PFKP: variants seen among roughly 807,000 people sequenced by gnomAD.
The protein encoded by PFKP is phosphofructokinase, platelet, also known as ATP-dependent 6-phosphofructokinase, platelet type.
A neutral mutation model predicts 94.3 loss-of-function variants in PFKP; 101 were observed. That is an observed-to-expected ratio of 1.07 (90% confidence interval 0.91 to 1.26). The LOEUF (loss-of-function observed/expected upper bound fraction) is 1.26, where lower values mean the gene tolerates loss of function less well. PFKP is among the 50% of genes most tolerant of loss of function. The pLI is 0.00. For synonymous variants in PFKP, 573 were observed against 432.6 expected (o/e 1.32, Z -4.03); for missense variants, 1,145 against 1,103.3 (o/e 1.04, Z -0.53).
rs550708295 is a variant in PFKP, at chr10:3,103,919, G to A, written c.595G>A (p.Asp199Asn). ...SALHRIIEVV[D>N]AIMTTAQSHQ... ...CCTGCACAGGATCATCGAGGTCGTC[G>A]ACGCCATCATGACCACGGCCCAGAG... Residue 199 changes from aspartate (D) to asparagine (N), a missense_variant, in exon 5 of 22, where the codon GAC (aspartate) becomes AAC (asparagine). Asp to Asn is a conservative substitution (Grantham distance 23). Coordinates refer to ENST00000381125, the MANE Select transcript of PFKP (RefSeq NM_002627.5). 16 of 1,613,720 alleles carry A rather than the reference G, an allele frequency of 9.9e-6. No homozygotes were observed. Among genetic ancestry groups the A allele is most frequent in the East Asian group, 8.9e-5 (4 of 44,864 alleles).
intron 16 of PFKP, chr10:3,124,986 T>G: frequency 1.1e-6 from 1 of 885,946 alleles, no homozygotes; most frequent in Non-Finnish European, 1.4e-6. Flanking sequence ...TGAACCGGCT[T>G]CCCCTGGTGA....
rs1224112381 is a variant in PFKP, at chr10:3,098,026, A to AAC, written c.187-1243_187-1242dup. 3.5e-4 allele frequency among the ~76,000 whole-genome samples: 53 copies of AAC among 150,548 alleles called. 1 individual carries two copies. The highest frequency in any genetic ancestry group is 1.3e-3 in the African/African-American group (52 of 39,832). On this transcript the variant is annotated intron_variant, in intron 2 of 21. Transcript: ENST00000381125. ...TCTGTCTCAAAAATAAAATAAAATA[A>AAC]ACACACATATATATATAATATTTCT... is the stretch of plus-strand genomic sequence containing the variant.
intron 17 of PFKP, 96 bp from the exon 18 acceptor site, chr10:3,132,284 C>A (rs895998135): frequency 3.7e-5 from 32 of 858,144 alleles, no homozygotes; most frequent in Non-Finnish European, 5.7e-5. Flanking sequence ...ACGCTCACTG[C>A]CACACTTGGT....
At chr10:3,067,813 G>C (rs1338702697) in intron 1 of PFKP, 106 bp downstream of exon 1, 1 of 498,508 alleles carries the variant, frequency 2.0e-6, no homozygotes. Context: ...GAAGCGATGG[G>C]GGGGACCCGG....
In PFKP at chr10:3,083,266, T is replaced by C. The variant is rs1385145097; in HGVS notation, c.186+805T>C. ...GCCTAGTGTCTGCTGATGTGTTAAA[T>C]AGCAGGAGTGACTCCCTGTCTGCCA... On this transcript the variant is annotated intron_variant, in intron 2 of 21. Transcript: ENST00000381125. Among the ~76,000 whole-genome samples, 31 of 152,178 alleles carry C rather than the reference T, an allele frequency of 2.0e-4. 1 individual carries two copies. Among genetic ancestry groups the C allele is most frequent in the Non-Finnish European group, 1.5e-5 (1 of 68,036 alleles).
intron 1 of PFKP, chr10:3,069,310 G>T: frequency 6.5e-7 from 1 of 1,548,176 alleles, no homozygotes; most frequent in Non-Finnish European, 8.7e-7. Context: ...TGATGCAGCA[G>T]AGGATGGGAT....
At chr10:3,113,847 C>T (rs1019255036) in intron 13 of PFKP, among the ~76,000 whole-genome samples, 1 of 152,010 alleles carries the variant, frequency 6.6e-6, no homozygotes, top group African/African-American at 2.4e-5. Context: ...TTAAACCGGG[C>T]ACTGGAGGGA....
At chr10:3,114,118 T>C (rs1030782625) in intron 13 of PFKP, among the ~76,000 whole-genome samples, 2 of 151,916 alleles carry the variant, frequency 1.3e-5, no homozygotes, top group African/African-American at 4.8e-5. Flanking sequence ...GCTATTTGTT[T>C]ATCTGATTAG....
chr10:3,111,039 T>A (rs1239498333), intron 10 of PFKP, among the ~76,000 whole-genome samples: 1 of 152,060 alleles, frequency 6.6e-6, no homozygotes, highest in Non-Finnish European at 1.5e-5. Context: ...TGTGCATGTA[T>A]GTTTATATGC....
At chr10:3,130,566 ATTGTC>A (rs1838461517) in intron 17 of PFKP, among the ~76,000 whole-genome samples, 1 of 152,040 alleles carries the variant, frequency 6.6e-6, no homozygotes, top group Non-Finnish European at 1.5e-5. Context: ...AACTTGAACA[ATTGTC>A]TTTATTTAGA....
chr10:3,097,360 G>C (rs1181238796), intron 2 of PFKP, among the ~76,000 whole-genome samples: 1 of 152,026 alleles, frequency 6.6e-6, no homozygotes, highest in Non-Finnish European at 1.5e-5. Flanking sequence ...GTCTGCATCC[G>C]ACCTCACACT....
intron 13 of PFKP, among the ~76,000 whole-genome samples, chr10:3,115,332 G>A (rs543486941): frequency 2.5e-5 from 3 of 119,646 alleles, no homozygotes; most frequent in Admixed American, 2.5e-4. Context: ...GTCCCACGGC[G>A]GAGGACAGGA....
At position 3,109,293 on chromosome 10, in the gene PFKP, G is replaced by A. The variant is rs1035305427; in HGVS notation, c.964-62G>A. Reference sequence around the variant, plus strand: ...GTCATTGGACGTCATGGAAAGATAGGAGGTGACAGGGACAGGGCAGGACGG... The same window carrying A: ...GTCATTGGACGTCATGGAAAGATAGAAGGTGACAGGGACAGGGCAGGACGG... On this transcript the variant is annotated intron_variant, in intron 9 of 21. Coordinates refer to ENST00000381125, the MANE Select transcript of PFKP (RefSeq NM_002627.5). The A allele has an allele frequency of 5.0e-6, 8 of 1,597,430 alleles. No individual in the cohort carries two copies. In the South Asian group the frequency reaches 8.8e-5, roughly 18 times the overall value.
chr10:3,136,476 G>T lies in PFKP; in HGVS notation c.2252G>T (p.Trp751Leu), dbSNP rs1237381360. 1 of 1,613,682 alleles carries T rather than the reference G, an allele frequency of 6.2e-7. No individual in the cohort carries two copies. Among genetic ancestry groups the T allele is most frequent in the South Asian group, 1.1e-5 (1 of 91,040 alleles). ...FEHRIPKEQWWLKLRPLMKIL... is the reference protein window; with the variant it reads ...FEHRIPKEQWLLKLRPLMKIL... Reference sequence around the variant, plus strand: ...CACAGGATTCCCAAAGAACAGTGGTGGCTCAAGCTACGGCCCCTCATGAAA... The same window carrying T: ...CACAGGATTCCCAAAGAACAGTGGTTGCTCAAGCTACGGCCCCTCATGAAA... The change falls in exon 22 of 22, where the codon TGG becomes TTG. Residue 751 changes from tryptophan (W) to leucine (L), a missense_variant. Physicochemically the swap from Trp to Leu is moderately conservative, Grantham distance 61. Around this residue, in one of 3 missense-constraint regions of PFKP, gnomAD observed 1,119 missense variants for 1,062.8 expected, o/e 1.05. Coordinates refer to ENST00000381125, the MANE Select transcript of PFKP (RefSeq NM_002627.5).
At chr10:3,101,974 G>A (rs909718642) in intron 4 of PFKP, among the ~76,000 whole-genome samples, 95 of 150,902 alleles carry the variant, frequency 6.3e-4, no homozygotes, top group Admixed American at 7.9e-4. Flanking sequence ...AAGTTGGGCC[G>A]GGCGCGGTGG....
In PFKP at chr10:3,080,149, C is replaced by A. The variant is rs1359154669; in HGVS notation, c.113-2239C>A. 3.3e-5 allele frequency among the ~76,000 whole-genome samples: 5 copies of A among 152,130 alleles called. No individual in the cohort carries two copies. The East Asian group carries it at 9.7e-4, about 29-fold the overall frequency. On this transcript the variant is annotated intron_variant, in intron 1 of 21. Transcript: ENST00000381125. ...AGGTGGGAGGTCCCTGGGGCATGGC[C>A]GGGAGCTCAGGGGAACTTGGGTTTT...
At position 3,130,746 on chromosome 10, in the gene PFKP, A is replaced by G. The variant is rs113523842; in HGVS notation, c.1848+763A>G. ...AGCTAATTTTGTATTTTTAGTAGAGATGAGGTTTCACCATGTTGGTCAGGC... is the reference window on the plus strand; with the variant it reads ...AGCTAATTTTGTATTTTTAGTAGAGGTGAGGTTTCACCATGTTGGTCAGGC... On this transcript the variant is annotated intron_variant, in intron 17 of 21. Coordinates refer to ENST00000381125, the MANE Select transcript of PFKP (RefSeq NM_002627.5). Among the ~76,000 whole-genome samples, 724 of 152,148 alleles carry G rather than the reference A, an allele frequency of 4.8e-3. 6 individuals carry two copies. The highest frequency in any genetic ancestry group is 0.017 in the African/African-American group (685 of 41,504).
chr10:3,074,447 G>T (rs1181392316), intron 1 of PFKP, among the ~76,000 whole-genome samples: 2 of 152,212 alleles, frequency 1.3e-5, no homozygotes, highest in Non-Finnish European at 2.9e-5. Context: ...GTGGAGGGAA[G>T]CAGACTGACT....
intron 14 of PFKP, among the ~76,000 whole-genome samples, chr10:3,117,595 G>A (rs1158059088): frequency 6.6e-6 from 1 of 152,196 alleles, no homozygotes; most frequent in African/African-American, 2.4e-5. Context: ...CCCAGCCACT[G>A]GTGGGATGGT....
Sources: allele counts gnomAD v4.1 joint callset (sites outside exome capture counted in the v4.1 genomes callset), GRCh38; gene constraint gnomAD v4.1.1; regional missense constraint gnomAD v4.1.1; transcripts MANE v1.5; gene names NCBI Gene and HGNC (gene_info 2026-07-23, HGNC 2026-07-21).